TTLL5: variants seen among roughly 807,000 people sequenced by gnomAD.
TTLL5 encodes tubulin tyrosine ligase like 5, also known as tubulin polyglutamylase TTLL5.
A neutral mutation model predicts 168.4 loss-of-function variants in TTLL5; 132 were observed. The observed-to-expected ratio is 0.78, with a 90% CI of 0.68 to 0.91. TTLL5 has a LOEUF of 0.91. Ranked by LOEUF, TTLL5 falls within the 40% of genes least tolerant of loss-of-function variation. The probability of loss-of-function intolerance (pLI) is 0.00; values close to 1 mark genes in which losing one functional copy is unlikely to be tolerated. For missense variants in TTLL5, 1,545 were observed against 1,581.5 expected, an observed-to-expected ratio of 0.98 and a Z score of 0.39; for synonymous variants, 546 against 558.6, an observed-to-expected ratio of 0.98 and a Z score of 0.32.
intron 17 of TTLL5, among the ~76,000 whole-genome samples, chr14:75,748,035 C>T (rs982692438): frequency 6.6e-6 from 1 of 152,204 alleles, no homozygotes; most frequent in African/African-American, 2.4e-5. Context: ...CATTTCCTCT[C>T]TGTCTGTGTA....
chr14:75,916,180 G>A (rs1158479815), intron 31 of TTLL5, among the ~76,000 whole-genome samples: 1 of 144,596 alleles, frequency 6.9e-6, no homozygotes, highest in East Asian at 2.2e-4. Flanking sequence ...AAGGGAAGAA[G>A]GAAAGAAGGG....
At chr14:75,727,911 G>A (rs981495654) in intron 12 of TTLL5, 2 of 459,328 alleles carry the variant, frequency 4.4e-6, no homozygotes, top group Non-Finnish European at 8.7e-6. Context: ...CTTTTGGGGT[G>A]ATGGAAACAT....
intron 30 of TTLL5, chr14:75,887,096 C>T (rs1405858803): frequency 1.5e-5 from 17 of 1,141,568 alleles, no homozygotes; most frequent in East Asian, 5.7e-5. Context: ...TTGGTGGTAA[C>T]GACTGTTCTG....
chr14:75,851,095 C>CAAAAAAAAAAAAAAAAAAAAAAAAAAAA (rs35393032), intron 28 of TTLL5, among the ~76,000 whole-genome samples: 1 of 95,952 alleles, frequency 1.0e-5, no homozygotes, highest in African/African-American at 4.2e-5. Flanking sequence ...GACCTTGTCT[C>CAAAAAAAAAAAAAAAAAAAAAAAAAAAA]AAAAAAAAAA....
At chr14:75,750,877 A>T (rs1234927051) in intron 17 of TTLL5, among the ~76,000 whole-genome samples, 1 of 152,218 alleles carries the variant, frequency 6.6e-6, no homozygotes, top group Admixed American at 6.5e-5. Context: ...GGCCTCTCAA[A>T]TATCTTATTG....
At chr14:75,734,105 A>C in intron 14 of TTLL5, 55 bp downstream of exon 14, 1 of 1,566,188 alleles carries the variant, frequency 6.4e-7, no homozygotes, top group Non-Finnish European at 8.8e-7. Flanking sequence ...CGGAGCGTCC[A>C]TTTTATCAGA....
chr14:75,868,579 T>C (rs1327457539), intron 29 of TTLL5, among the ~76,000 whole-genome samples: 1 of 152,198 alleles, frequency 6.6e-6, no homozygotes, highest in African/African-American at 2.4e-5. Flanking sequence ...ATTGTTCACA[T>C]CAAGAGGTCT....
In TTLL5 at chr14:75,882,802, A is replaced by T; in HGVS notation, c.3640A>T (p.Lys1214Ter). 1 of 1,614,158 alleles carries T rather than the reference A, an allele frequency of 6.2e-7. No homozygotes were observed. Among genetic ancestry groups the T allele is most frequent in the Non-Finnish European group, 8.5e-7 (1 of 1,180,018 alleles). The stretch of plus-strand genomic sequence containing the variant: ...CCAGAAGCCAACCACTCTGCCACAA[A>T]AAGTGGTACCACCTCCAAGTTCTTG... ...SGQKPTTLPQ[K>*]VVPPPSSCAS... The change falls in exon 30 of 32, where the codon AAA (lysine) becomes TAA (stop). Residue 1214 changes from lysine (K) to a stop codon, truncating the protein, a stop_gained. Coordinates refer to ENST00000298832, the MANE Select transcript of TTLL5 (RefSeq NM_015072.5). LOFTEE classifies it high-confidence loss of function.
rs1024307009 is a variant in TTLL5 at position 75,766,054 on chromosome 14, G to A, written c.1709-8G>A. The A allele has an allele frequency of 5.6e-6, 9 of 1,600,516 alleles. No homozygotes were observed. The highest frequency in any genetic ancestry group is 5.4e-5 in the African/African-American group (4 of 74,058). On this transcript the variant is annotated splice_region_variant and splice_polypyrimidine_tract_variant and intron_variant, in intron 19 of 31. Coordinates refer to ENST00000298832, the MANE Select transcript of TTLL5 (RefSeq NM_015072.5). ...TTTTCAGCAACATTAGTGATTCTTC[G>A]TATTTAGTGATTACCCAACCAGCTG... is the stretch of plus-strand genomic sequence containing the variant.
intron 18 of TTLL5, among the ~76,000 whole-genome samples, chr14:75,763,191 A>T (rs1452069375): frequency 6.6e-6 from 1 of 151,786 alleles, no homozygotes; most frequent in Non-Finnish European, 1.5e-5. Flanking sequence ...TTATCTTTCT[A>T]TCAGATTTGT....
At chr14:75,906,759 A>G (rs1363244480) in intron 31 of TTLL5, 1 of 975,078 alleles carries the variant, frequency 1.0e-6, no homozygotes, top group Non-Finnish European at 1.2e-6. Flanking sequence ...TGGCTACCAA[A>G]AGAAGTTCTA....
intron 15 of TTLL5, among the ~76,000 whole-genome samples, chr14:75,739,457 T>C (rs1483705861): frequency 6.6e-6 from 1 of 152,234 alleles, no homozygotes; most frequent in Non-Finnish European, 1.5e-5. Context: ...AGCTTTCTTT[T>C]TCTGTTGCTG....
chr14:75,686,019 T>C (rs1001665868), intron 5 of TTLL5, among the ~76,000 whole-genome samples: 2 of 152,198 alleles, frequency 1.3e-5, no homozygotes, highest in African/African-American at 4.8e-5. Context: ...ATTGAGTACC[T>C]CTGCTCTGGA....
intron 30 of TTLL5, among the ~76,000 whole-genome samples, chr14:75,885,257 G>A (rs543496797): frequency 1.6e-4 from 24 of 152,152 alleles, no homozygotes; most frequent in African/African-American, 2.2e-4. Flanking sequence ...TTGGGAAGCC[G>A]AGGCGGGCAG....
chr14:75,790,472 CT>C (rs201060570), intron 26 of TTLL5, among the ~76,000 whole-genome samples: 212 of 142,522 alleles, frequency 1.5e-3, no homozygotes, highest in Middle Eastern at 3.5e-3. Context: ...TTCTTTTTTT[CT>C]TTTTTTTTTT....
intron 28 of TTLL5, among the ~76,000 whole-genome samples, chr14:75,839,784 C>T (rs2063198020): frequency 6.6e-6 from 1 of 152,164 alleles, no homozygotes; most frequent in African/African-American, 2.4e-5. Context: ...TGTGATCTCA[C>T]TGTAGTTTTG....
intron 1 of TTLL5, 132 bp from the exon 2 acceptor site, chr14:75,662,923 T>A (rs771292159): frequency 9.5e-6 from 6 of 628,810 alleles, no homozygotes; most frequent in African/African-American, 1.8e-5. Flanking sequence ...TTATGGAAAG[T>A]AAACTTCTAG....
intron 3 of TTLL5, among the ~76,000 whole-genome samples, chr14:75,669,836 G>C (rs1883582098): frequency 6.6e-6 from 1 of 151,950 alleles, no homozygotes; most frequent in Non-Finnish European, 1.5e-5. Flanking sequence ...ATGTTGTGCA[G>C]CCGTCACCAC....
chr14:75,856,935 CT>C (rs1357494834), intron 28 of TTLL5, among the ~76,000 whole-genome samples: 4 of 152,054 alleles, frequency 2.6e-5, no homozygotes, highest in Non-Finnish European at 4.4e-5. Flanking sequence ...AGTTGTATTG[CT>C]TTTTAAAATT....
Sources: allele counts gnomAD v4.1 joint callset (sites outside exome capture counted in the v4.1 genomes callset), GRCh38; gene constraint gnomAD v4.1.1; transcripts MANE v1.5; gene names NCBI Gene and HGNC (gene_info 2026-07-23, HGNC 2026-07-21).